The following STK26 variants were observed in gnomAD, a reference collection of about 807,000 sequenced individuals.
STK26 encodes serine/threonine-protein kinase 26.
A neutral mutation model predicts 34.7 loss-of-function variants in STK26; 14 were observed. That is an observed-to-expected ratio of 0.40 (90% CI 0.27 to 0.63). The LOEUF is 0.63. Among genes scored for constraint, STK26 ranks in the 30% least tolerant of loss-of-function variants. The probability of loss-of-function intolerance (pLI) is 0.38; values close to 1 mark genes in which losing one functional copy is unlikely to be tolerated. For missense variants in STK26, 226 were observed against 309.1 expected, an observed-to-expected ratio of 0.73 and a Z score of 2.02; for synonymous variants, 100 against 109.8, an observed-to-expected ratio of 0.91 and a Z score of 0.56.
intron 2 of STK26, among the ~76,000 whole-genome samples, chrX:132,034,413 TC>T (rs1317186930): frequency 2.0e-5 from 2 of 97,883 alleles, no homozygotes; most frequent in Non-Finnish European, 4.0e-5. Context: ...TTCACGCCAT[TC>T]TCCTGCCTCA....
chrX:132,067,670 T>C (rs1291781028), intron 4 of STK26, among the ~76,000 whole-genome samples: 1 of 111,730 alleles, frequency 9.0e-6, no homozygotes, highest in Admixed American at 9.6e-5. Context: ...TATTCTTGGC[T>C]AAATTTACAA....
intron 2 of STK26, among the ~76,000 whole-genome samples, chrX:132,046,071 G>GA (rs1285012090): frequency 4.5e-5 from 5 of 111,620 alleles, no homozygotes; most frequent in Non-Finnish European, 9.4e-5. Flanking sequence ...TTTTTCTTTG[G>GA]AAAAATGTGA....
At chrX:132,025,962 TC>T (rs980775848) in intron 2 of STK26, among the ~76,000 whole-genome samples, 1 of 111,698 alleles carries the variant, frequency 9.0e-6, no homozygotes, top group African/African-American at 3.3e-5. Flanking sequence ...TTAGAAAACT[TC>T]AGTTAGCCAT....
intron 2 of STK26, among the ~76,000 whole-genome samples, chrX:132,050,871 G>A (rs1926663443): frequency 9.0e-6 from 1 of 111,564 alleles, no homozygotes; most frequent in Non-Finnish European, 1.9e-5. Context: ...TCTGCTTAGT[G>A]GTTCCCAAGT....
At position 132,044,772 on chromosome X, in the gene STK26, GATCTATATATATATTTATATATAT is replaced by G. The variant is rs1569330223; in HGVS notation, c.43-9857_43-9834del. 4.4e-3 allele frequency among the ~76,000 whole-genome samples: 166 copies of G among 37,511 alleles called. 9 individuals are homozygous for G. The Middle Eastern group carries it at 0.071, about 16-fold the overall frequency. The allele number at this position is 37,511 out of a possible 115,157, so 32.6% of individuals were successfully genotyped here. Reference sequence around the variant, plus strand: ...ATATATATTTATATATATATAGAGAGATCTATATATATATTTATATATATAGAGAGAGATCTATATATATATTTA... The same window carrying G: ...ATATATATTTATATATATATAGAGAGAGAGAGAGATCTATATATATATTTA... On this transcript the variant is annotated intron_variant, in intron 2 of 11. Transcript: ENST00000394334.
intron 2 of STK26, among the ~76,000 whole-genome samples, chrX:132,033,678 A>G (rs1429713626): frequency 2.7e-5 from 3 of 111,848 alleles, no homozygotes; most frequent in Non-Finnish European, 5.6e-5. Flanking sequence ...CACAATCTAC[A>G]TGGTTTGATT....
Position 132,023,621 on chromosome X carries a change from G to T in STK26, c.4G>T (p.Ala2Ser), listed in dbSNP as rs1214330679. MAHSPVAVQVPG... is the reference protein window; with the variant it reads MSHSPVAVQVPG... ...GAGCGAGGCAGCATTCGCCTCCATG[G>T]CCCACTCGCCGGTGGCTGTCCAAGT... The change falls in exon 2 of 12, where the codon GCC becomes TCC. Residue 2 changes from alanine to serine, a missense_variant. By Grantham distance (99) the Ala-to-Ser change is moderately conservative. Around this residue, in one of 2 missense-constraint regions of STK26, gnomAD observed 100 missense variants for 176.7 expected, o/e 0.57. Transcript: ENST00000394334. The T allele has an allele frequency of 1.8e-5, 21 of 1,173,901 alleles. No homozygotes were observed. The highest frequency in any genetic ancestry group is 2.4e-5 in the Non-Finnish European group (21 of 876,665).
intron 3 of STK26, among the ~76,000 whole-genome samples, chrX:132,058,479 A>G (rs1926936961): frequency 9.0e-6 from 1 of 110,919 alleles, no homozygotes; most frequent in South Asian, 3.8e-4. Context: ...ATTGGTACTG[A>G]TATGGTTTGA....
Position 132,068,266 on chromosome X carries a change from AT to A in STK26, c.386del (p.Leu129Ter). 1 of 1,207,776 alleles carries A rather than the reference AT, an allele frequency of 8.3e-7. No individual in the cohort carries two copies. The highest frequency in any genetic ancestry group is 1.1e-6 in the Non-Finnish European group (1 of 894,088). Reference sequence around the variant, plus strand: ...CCAGATTGCTACCATGCTAAAGGAAATTTTAAAAGGTCTGGACTATCTGCAT... The same window carrying A: ...CCAGATTGCTACCATGCTAAAGGAAATTTAAAAGGTCTGGACTATCTGCAT... ...EFQIATMLKE[I>X]LKGLDYLHSE... On this transcript the variant is annotated frameshift_variant, in exon 5 of 12. Coordinates refer to ENST00000394334, the MANE Select transcript of STK26 (RefSeq NM_016542.4). LOFTEE classifies it high-confidence loss of function.
intron 9 of STK26, 85 bp from the exon 10 acceptor site, chrX:132,072,727 CA>C: frequency 4.1e-6 from 4 of 987,635 alleles, no homozygotes; most frequent in Middle Eastern, 7.5e-4. Flanking sequence ...GTAGGGGATT[CA>C]AATTAGTTCG....
intron 4 of STK26, 70 bp from the exon 5 acceptor site, chrX:132,068,145 C>A: frequency 2.4e-6 from 2 of 844,488 alleles, no homozygotes; most frequent in Non-Finnish European, 3.3e-6. Flanking sequence ...TTCAAAGGTA[C>A]CAATTTTGAA....
intron 3 of STK26, among the ~76,000 whole-genome samples, chrX:132,062,441 T>A (rs1360702194): frequency 2.7e-5 from 3 of 112,552 alleles, no homozygotes; most frequent in Non-Finnish European, 5.6e-5. Flanking sequence ...TTCCTCTTGT[T>A]CAGCTCACAG....
chrX:132,023,616 C>G lies in STK26; in HGVS notation c.-2C>G. 1 of 1,174,239 alleles carries G rather than the reference C, an allele frequency of 8.5e-7. No homozygotes were observed. The highest frequency in any genetic ancestry group is 1.1e-6 in the Non-Finnish European group (1 of 876,501). On this transcript the variant is annotated 5_prime_UTR_variant, in exon 2 of 12. Transcript: ENST00000394334. ...AAGCGGAGCGAGGCAGCATTCGCCT[C>G]CATGGCCCACTCGCCGGTGGCTGTC...
At chrX:132,036,604 A>G (rs1332032180) in intron 2 of STK26, among the ~76,000 whole-genome samples, 1 of 111,681 alleles carries the variant, frequency 9.0e-6, no homozygotes, top group East Asian at 2.8e-4. Flanking sequence ...CAAAATAATA[A>G]TAATAATTTA....
intron 4 of STK26, among the ~76,000 whole-genome samples, chrX:132,066,717 A>C (rs1289999909): frequency 8.9e-6 from 1 of 112,032 alleles, no homozygotes; most frequent in Non-Finnish European, 1.9e-5. Flanking sequence ...TTACTTAAAT[A>C]TTTTTAAAAA....
chrX:132,071,247 G>A, intron 8 of STK26, 30 bp downstream of exon 8: 2 of 1,186,817 alleles, frequency 1.7e-6, no homozygotes, highest in Middle Eastern at 2.4e-4. Flanking sequence ...TTTTTATGTA[G>A]GCAGCCTATT....
At chrX:132,067,965 AG>A (rs146969763) in intron 4 of STK26, among the ~76,000 whole-genome samples, 9,784 of 111,388 alleles carry the variant, frequency 0.088, 378 homozygotes, top group Non-Finnish European at 0.11. Flanking sequence ...CCTAGTATAT[AG>A]GTAAAAGGGC....
intron 2 of STK26, among the ~76,000 whole-genome samples, chrX:132,041,900 C>G (rs1237782740): frequency 9.0e-6 from 1 of 111,421 alleles, no homozygotes; most frequent in Non-Finnish European, 1.9e-5. Flanking sequence ...TTTATATTAG[C>G]AAAAATTAAC....
intron 2 of STK26, among the ~76,000 whole-genome samples, chrX:132,028,949 T>C (rs1160360900): frequency 8.9e-6 from 1 of 112,600 alleles, no homozygotes; most frequent in Non-Finnish European, 1.9e-5. Flanking sequence ...CCCGAATTAT[T>C]GTCCTTGTTA....
Sources: allele counts gnomAD v4.1 joint callset (sites outside exome capture counted in the v4.1 genomes callset), GRCh38; gene constraint gnomAD v4.1.1; regional missense constraint gnomAD v4.1.1; transcripts MANE v1.5; gene names NCBI Gene and HGNC (gene_info 2026-07-23, HGNC 2026-07-21).